Variants in CSMD3 observed in about 807,000 individuals in gnomAD.
CSMD3 encodes the protein CUB and sushi domain-containing protein 3.
A neutral mutation model predicts 435.2 loss-of-function variants in CSMD3; 177 were observed. The ratio of observed to expected loss-of-function variants is 0.41; its 90% CI spans 0.36 to 0.46. CSMD3 has a LOEUF of 0.46. Ranked by LOEUF, CSMD3 falls within the 20% of genes least tolerant of loss-of-function variation. CSMD3 has a pLI of 0.34. For synonymous variants in CSMD3, 1,656 were observed against 1,520.5 expected, an observed-to-expected ratio of 1.09 and a Z score of -2.07; for missense variants, 4,265 against 4,504.6, an observed-to-expected ratio of 0.95 and a Z score of 1.52.
chr8:112,863,942 C>A (rs1418685424), intron 10 of CSMD3, among the ~76,000 whole-genome samples: 2 of 151,978 alleles, frequency 1.3e-5, no homozygotes, highest in Admixed American at 6.6e-5. Flanking sequence ...TTAAATATGA[C>A]AACTTTGGTC....
At chr8:112,634,432 G>A (rs2074600817) in intron 22 of CSMD3, among the ~76,000 whole-genome samples, 1 of 151,888 alleles carries the variant, frequency 6.6e-6, no homozygotes, top group South Asian at 2.1e-4. Flanking sequence ...TTAAATGTAT[G>A]CCTACCGTGG....
intron 13 of CSMD3, among the ~76,000 whole-genome samples, chr8:112,738,469 C>T (rs183466250): frequency 9.8e-4 from 149 of 151,664 alleles, no homozygotes; most frequent in African/African-American, 3.0e-3. Context: ...ATTTAGTGCA[C>T]GATATTTTGC....
At position 112,550,674 on chromosome 8, in the gene CSMD3, A is replaced by T; in HGVS notation, c.4561T>A (p.Ser1521Thr). 6 of 1,582,794 alleles carry T rather than the reference A, an allele frequency of 3.8e-6. No individual in the cohort carries two copies. The highest frequency in any genetic ancestry group is 5.2e-6 in the Non-Finnish European group (6 of 1,152,334). The change falls in exon 27 of 71, where the codon TCA becomes ACA. Residue 1521 changes from serine (S) to threonine (T), a missense_variant. Around this residue, in one of 3 missense-constraint regions of CSMD3, gnomAD observed 3,255 missense variants for 3,380.2 expected, o/e 0.96. Transcript: ENST00000297405. ...GAAATTTTTTGAAAAAACTTACTTG[A>T]AAACTGAATTGCAAATCCAGATTTG... ...ISKSGFAIQF[S>T]SSVATACRDP...
chr8:112,966,573 T>A (rs1011448080), intron 7 of CSMD3, among the ~76,000 whole-genome samples: 1 of 151,758 alleles, frequency 6.6e-6, no homozygotes, highest in African/African-American at 2.4e-5. Context: ...TAAACCCTGA[T>A]GTATTTTTCT....
intron 3 of CSMD3, among the ~76,000 whole-genome samples, chr8:113,238,591 A>G (rs755870785): frequency 6.6e-6 from 1 of 152,176 alleles, no homozygotes. Flanking sequence ...GCTTTGCAAG[A>G]AGAGTACAGG....
At chr8:113,307,473 C>A (rs1222635608) in intron 2 of CSMD3, among the ~76,000 whole-genome samples, 4 of 151,984 alleles carry the variant, frequency 2.6e-5, no homozygotes, top group African/African-American at 9.7e-5. Context: ...TTTGGATAAG[C>A]AAATATTTAT....
Position 112,625,123 on chromosome 8 carries a change from T to A in CSMD3, c.3715+11694A>T, listed in dbSNP as rs564601947. 2.0e-3 allele frequency among the ~76,000 whole-genome samples: 305 copies of A among 152,188 alleles called. 1 individual carries two copies. Among genetic ancestry groups the A allele is most frequent in the Middle Eastern group, 0.014 (4 of 294 alleles). ...GAGAAACAAATCTGTAATGACATGT[T>A]AATATTTTTTTCCAAAGTCATAGGA... On this transcript the variant is annotated intron_variant, in intron 22 of 70. Transcript: ENST00000297405.
chr8:113,204,711 T>C (rs1656531842), intron 3 of CSMD3, among the ~76,000 whole-genome samples: 1 of 152,178 alleles, frequency 6.6e-6, no homozygotes, highest in South Asian at 2.1e-4. Flanking sequence ...ATTTTTACTA[T>C]ACATTTTCTA....
chr8:112,675,345 G>A (rs2075748520), intron 16 of CSMD3, among the ~76,000 whole-genome samples: 1 of 152,066 alleles, frequency 6.6e-6, no homozygotes, highest in African/African-American at 2.4e-5. Context: ...CTCTTCCAAT[G>A]TATTTCACTA....
chr8:112,932,449 T>C (rs549892594), intron 9 of CSMD3, among the ~76,000 whole-genome samples: 32 of 152,220 alleles, frequency 2.1e-4, no homozygotes, highest in Non-Finnish European at 4.3e-4. Flanking sequence ...GGTTTCACCA[T>C]GTTAGCCAGG....
chr8:113,345,809 A>G (rs1279770341), intron 1 of CSMD3, among the ~76,000 whole-genome samples: 1 of 152,140 alleles, frequency 6.6e-6, no homozygotes, highest in Non-Finnish European at 1.5e-5. Context: ...AGAATCATTG[A>G]GAGTAGTTGC....
At chr8:112,966,992 T>C (rs1227559535) in intron 7 of CSMD3, among the ~76,000 whole-genome samples, 1 of 151,962 alleles carries the variant, frequency 6.6e-6, no homozygotes, top group Non-Finnish European at 1.5e-5. Context: ...TCTCTCTCCA[T>C]GATGATCATC....
intron 13 of CSMD3, among the ~76,000 whole-genome samples, chr8:112,707,462 G>A (rs1563877469): frequency 6.6e-6 from 1 of 151,092 alleles, no homozygotes; most frequent in Admixed American, 6.6e-5. Flanking sequence ...ATTATTGGGG[G>A]TGGTAGTGGT....
chr8:113,281,081 GTCTA>G (rs368339551), intron 2 of CSMD3, among the ~76,000 whole-genome samples: 217 of 151,818 alleles, frequency 1.4e-3, no homozygotes, highest in African/African-American at 4.9e-3. Context: ...CTATCATGTA[GTCTA>G]TCTACTGGTC....
chr8:112,702,858 G>C (rs1332237861), intron 13 of CSMD3, among the ~76,000 whole-genome samples: 1 of 152,026 alleles, frequency 6.6e-6, no homozygotes, highest in African/African-American at 2.4e-5. Flanking sequence ...TCCAAGCTGT[G>C]GTTATCATTC....
In CSMD3 at chr8:112,408,994, G is replaced by C. The variant is rs569018651; in HGVS notation, c.5434C>G (p.His1812Asp). 6 of 1,613,424 alleles carry C rather than the reference G, an allele frequency of 3.7e-6. No individual in the cohort carries two copies. The South Asian group carries it at 6.6e-5, about 18-fold the overall frequency. ...CCATCATACACCTCAACAACATCGT[G>C]GAGTGATGTCTGGAAAAATACAAAC... Reference protein sequence around the residue: ...GQFVFFQTSLHDVVEVYDGPT... With the variant: ...GQFVFFQTSLDDVVEVYDGPT... The change falls in exon 33 of 71, where the codon CAC (histidine) becomes GAC (aspartate). Residue 1812 changes from histidine to aspartate, a missense_variant. This residue lies in a region of CSMD3 where 3,255 missense variants were observed against 3,380.2 expected (regional missense o/e 0.96). Coordinates refer to ENST00000297405, the MANE Select transcript of CSMD3 (RefSeq NM_198123.2).
At chr8:112,263,137 TAA>T (rs58022386) in intron 61 of CSMD3, among the ~76,000 whole-genome samples, 32,323 of 137,860 alleles carry the variant, frequency 0.23, 3,800 homozygotes, top group East Asian at 0.36. Flanking sequence ...GCAACCTCTG[TAA>T]AAAAAAAAAA....
chr8:112,741,759 AATGATAGATAG>A (rs1331547276), intron 13 of CSMD3, among the ~76,000 whole-genome samples: 1 of 149,052 alleles, frequency 6.7e-6, no homozygotes, highest in East Asian at 2.0e-4. Context: ...AATATAGATA[AATGATAGATAG>A]ATGATAGATA....
In CSMD3 at chr8:112,421,570, T is replaced by TA. The variant is rs10631418; in HGVS notation, c.5396-12539_5396-12538insT. On this transcript the variant is annotated intron_variant, in intron 32 of 70. Transcript: ENST00000297405. ...AAGATATATATATATGTTATATATA[T>TA]GTAATATATTTATAATATATATTAC... 1.0e-4 allele frequency among the ~76,000 whole-genome samples: 15 copies of TA among 146,434 alleles called. No individual in the cohort carries two copies. In the East Asian group the frequency reaches 3.0e-3, roughly 29 times the overall value.
Sources: gnomAD v4.1 joint callset for allele counts (sites outside exome capture counted in the v4.1 genomes callset) on GRCh38, gnomAD v4.1.1 for gene constraint, gnomAD v4.1.1 regional missense constraint, MANE v1.5 for transcripts, NCBI Gene and HGNC (gene_info 2026-07-23, HGNC 2026-07-21) for gene names.